SLC25A17: variants seen among roughly 807,000 people sequenced by gnomAD.
The protein encoded by SLC25A17 is solute carrier family 25 member 17.
In SLC25A17, 26 loss-of-function variants were observed where a neutral mutation model predicts 38.5. That is an observed-to-expected ratio of 0.68 (90% CI 0.50 to 0.94). The LOEUF (loss-of-function observed/expected upper bound fraction) is 0.94. Among genes scored for constraint, SLC25A17 ranks in the 40% least tolerant of loss-of-function variants. SLC25A17 has a pLI of 0.00. For synonymous variants in SLC25A17, 139 were observed against 136.2 expected (o/e 1.02, Z -0.14); for missense variants, 333 against 372.7 (o/e 0.89, Z 0.88).
chr22:40,772,878 A>G (rs2057199760), intron 8 of SLC25A17, among the ~76,000 whole-genome samples: 1 of 152,096 alleles, frequency 6.6e-6, no homozygotes, highest in Non-Finnish European at 1.5e-5. Context: ...GCCTCAAGCT[A>G]TCCTCCTGTC....
At chr22:40,815,498 G>C (rs932499536) in intron 1 of SLC25A17, among the ~76,000 whole-genome samples, 28 of 152,228 alleles carry the variant, frequency 1.8e-4, no homozygotes, top group African/African-American at 6.8e-4. Flanking sequence ...AAGATCATCT[G>C]CAACAAGTGA....
chr22:40,810,163 G>A (rs2057566693), intron 1 of SLC25A17, among the ~76,000 whole-genome samples: 2 of 152,072 alleles, frequency 1.3e-5, no homozygotes, highest in South Asian at 4.1e-4. Flanking sequence ...TGATACAAGA[G>A]CATCCAAGAC....
At chr22:40,800,404 GT>G (rs1467093923) in intron 1 of SLC25A17, among the ~76,000 whole-genome samples, 1 of 152,056 alleles carries the variant, frequency 6.6e-6, no homozygotes, top group Non-Finnish European at 1.5e-5. Flanking sequence ...TAATTAATTA[GT>G]TAATTATTTT....
intron 3 of SLC25A17, among the ~76,000 whole-genome samples, chr22:40,792,963 T>A (rs1025689536): frequency 1.3e-5 from 2 of 152,140 alleles, no homozygotes; most frequent in African/African-American, 4.8e-5. Flanking sequence ...TAGAGACAAC[T>A]TCCTCATGGC....
At chr22:40,771,257 G>A (rs1195070694) in intron 8 of SLC25A17, among the ~76,000 whole-genome samples, 2 of 152,070 alleles carry the variant, frequency 1.3e-5, no homozygotes, top group African/African-American at 4.8e-5. Context: ...AGAGGCACCC[G>A]CCACGACACC....
rs1270155492 is a variant in SLC25A17 at position 40,792,677 on chromosome 22, C to A, written c.183-1G>T. On this transcript the variant is annotated splice_acceptor_variant, in intron 3 of 8. Transcript: ENST00000435456. LOFTEE classifies it high-confidence loss of function. ...AAACCACCCTCGATATGGTGCCAGG[C>A]TAGGGGAAAAACACAATAAGCAAAG... 6.2e-7 allele frequency: 1 copy of A among 1,613,638 alleles called. No homozygotes were observed. The highest frequency in any genetic ancestry group is 1.1e-5 in the South Asian group (1 of 91,046).
At chr22:40,776,539 T>C (rs913960053) in intron 7 of SLC25A17, among the ~76,000 whole-genome samples, 2 of 152,210 alleles carry the variant, frequency 1.3e-5, no homozygotes, top group Non-Finnish European at 2.9e-5. Flanking sequence ...CCTAAGAAAT[T>C]ACAAATGCAA....
chr22:40,797,709 G>C (rs528416619), intron 2 of SLC25A17, among the ~76,000 whole-genome samples: 1 of 152,268 alleles, frequency 6.6e-6, no homozygotes, highest in South Asian at 2.1e-4. Flanking sequence ...AATAAAATAG[G>C]AAACAATGAT....
intron 2 of SLC25A17, 70 bp downstream of exon 2, chr22:40,798,953 A>AAAAAAAG: frequency 8.5e-7 from 1 of 1,180,898 alleles, no homozygotes; most frequent in Non-Finnish European, 1.2e-6. Context: ...CAAAAAAAAA[A>AAAAAAAG]AAAAAGAAAT....
At chr22:40,816,609 GTT>G (rs55809010) in intron 1 of SLC25A17, among the ~76,000 whole-genome samples, 68,163 of 137,820 alleles carry the variant, frequency 0.49, 16,527 homozygotes, top group Admixed American at 0.63. Context: ...ATTTTTTATT[GTT>G]TTTTTTTTTT....
At chr22:40,782,790 T>C (rs1044692968) in intron 4 of SLC25A17, among the ~76,000 whole-genome samples, 1 of 152,250 alleles carries the variant, frequency 6.6e-6, no homozygotes, top group East Asian at 1.9e-4. Flanking sequence ...ATAATACCTT[T>C]GGCATTCAGT....
chr22:40,803,820 GT>G (rs772323398), intron 1 of SLC25A17, among the ~76,000 whole-genome samples: 1,419 of 117,350 alleles, frequency 0.012, 8 homozygotes, highest in Admixed American at 0.021. Context: ...GCTAGTTTTT[GT>G]TTTTTTTTTT....
At chr22:40,805,609 C>T (rs2057523074) in intron 1 of SLC25A17, among the ~76,000 whole-genome samples, 1 of 152,094 alleles carries the variant, frequency 6.6e-6, no homozygotes, top group Admixed American at 6.6e-5. Flanking sequence ...TATACTAACA[C>T]TAATGAGAGC....
intron 1 of SLC25A17, among the ~76,000 whole-genome samples, chr22:40,802,012 G>A (rs994114616): frequency 2.6e-5 from 4 of 151,900 alleles, no homozygotes; most frequent in Non-Finnish European, 4.4e-5. Flanking sequence ...GGCTGGTCTC[G>A]AACTCCTGAC....
rs1229147493 is a variant in SLC25A17 at position 40,819,311 on chromosome 22, G to A, written c.-63C>T. ...ACAGATGCCGCAGCCAGTGGAGTTA[G>A]GAAAGGAGCACCGGAGCTCAGGGTG... On this transcript the variant is annotated 5_prime_UTR_variant, in exon 1 of 9. Coordinates refer to ENST00000435456, the MANE Select transcript of SLC25A17 (RefSeq NM_006358.4). The A allele has an allele frequency of 2.5e-6, 4 of 1,568,904 alleles. No individual in the cohort carries two copies. Among genetic ancestry groups the A allele is most frequent in the African/African-American group, 2.8e-5 (2 of 72,706 alleles).
At chr22:40,811,874 G>T (rs1278272240) in intron 1 of SLC25A17, among the ~76,000 whole-genome samples, 4 of 150,856 alleles carry the variant, frequency 2.7e-5, no homozygotes, top group Non-Finnish European at 5.9e-5. Flanking sequence ...AGATTTGGAG[G>T]GGTCAAACAT....
At chr22:40,798,660 TA>T (rs10640211) in intron 2 of SLC25A17, among the ~76,000 whole-genome samples, 1,435 of 74,328 alleles carry the variant, frequency 0.019, 26 homozygotes, top group African/African-American at 0.064. Flanking sequence ...CACACATACA[TA>T]AAAAAAAAAA....
intron 1 of SLC25A17, among the ~76,000 whole-genome samples, chr22:40,816,527 C>T (rs1166233991): frequency 6.6e-6 from 1 of 151,980 alleles, no homozygotes; most frequent in Non-Finnish European, 1.5e-5. Flanking sequence ...AAAAAGTTTG[C>T]CAATCTCTAT....
At position 40,789,245 on chromosome 22, in the gene SLC25A17, G is replaced by A. The variant is rs78011047; in HGVS notation, c.334+3280C>T. ...CCGGCAGGAGTATGACAGATGCTTCGTAATGCAGTCTGCTCGAGGCATGGG... is the reference window on the plus strand; with the variant it reads ...CCGGCAGGAGTATGACAGATGCTTCATAATGCAGTCTGCTCGAGGCATGGG... On this transcript the variant is annotated intron_variant, in intron 4 of 8. Coordinates refer to ENST00000435456, the MANE Select transcript of SLC25A17 (RefSeq NM_006358.4). The surrounding 1 kb of genome is among the most constrained non-coding windows in gnomAD (Gnocchi z 4.5). The A allele has an allele frequency of 1.9e-4, 33 of 174,624 alleles. No individual in the cohort carries two copies. In the East Asian group the frequency reaches 5.1e-3, roughly 27 times the overall value. The allele number at this position is 174,624 out of a possible 1,614,324, so 10.8% of individuals were successfully genotyped here. A position where few individuals can be genotyped will look rare whatever the true frequency, so the allele number is the denominator to read the frequency against.
Sources: gnomAD v4.1 joint callset for allele counts (sites outside exome capture counted in the v4.1 genomes callset) on GRCh38, gnomAD v4.1.1 for gene constraint, Gnocchi (gnomAD v3.1) non-coding constraint, MANE v1.5 for transcripts, NCBI Gene and HGNC (gene_info 2026-07-23, HGNC 2026-07-21) for gene names.